The following JPH3 variants were observed in gnomAD, a reference collection of about 807,000 sequenced individuals.
JPH3 encodes junctophilin-3.
A neutral mutation model predicts 59.6 loss-of-function variants in JPH3; 11 were observed. The ratio of observed to expected loss-of-function variants is 0.18; its 90% CI spans 0.12 to 0.31. The LOEUF is 0.31. JPH3 is among the 10% of genes least tolerant of loss of function. JPH3 has a pLI of 1.00. For synonymous variants in JPH3, 673 were observed against 483.6 expected (o/e 1.39, Z -5.14); for missense variants, 1,202 against 1,105.7 (o/e 1.09, Z -1.24).
chr16:87,631,388 C>T (rs185120959), intron 1 of JPH3, among the ~76,000 whole-genome samples: 31 of 152,282 alleles, frequency 2.0e-4, no homozygotes, highest in African/African-American at 7.5e-4. Flanking sequence ...ATCATTTCTG[C>T]TCATAATTTG....
intron 3 of JPH3, among the ~76,000 whole-genome samples, chr16:87,688,242 C>T (rs2033465402): frequency 6.6e-6 from 1 of 152,162 alleles, no homozygotes; most frequent in African/African-American, 2.4e-5. Flanking sequence ...GGGCTGGCCA[C>T]CCACCCAGAG....
At position 87,691,086 on chromosome 16, in the gene JPH3, A is replaced by ACCC. The variant is rs11418087; in HGVS notation, c.2166+568_2166+570dup. On this transcript the variant is annotated intron_variant, in intron 4 of 4. Transcript: ENST00000284262. ...CAACTCACCGTCAGCCTCACCCAGC[A>ACCC]CCCCCCCCCCAAATTCGTTCCTCCA... is the stretch of plus-strand genomic sequence containing the variant. Among the ~76,000 whole-genome samples, 512 of 138,526 alleles carry ACCC rather than the reference A, an allele frequency of 3.7e-3. 3 individuals carry two copies. The highest frequency in any genetic ancestry group is 7.4e-3 in the Middle Eastern group (2 of 270). The allele number at this position is 138,526 out of a possible 152,430, so 90.9% of individuals were successfully genotyped here.
At chr16:87,678,673 A>G (rs59035081) in intron 2 of JPH3, among the ~76,000 whole-genome samples, 2,947 of 152,300 alleles carry the variant, frequency 0.019, 87 homozygotes, top group African/African-American at 0.066. Flanking sequence ...TCTTGGAATA[A>G]GGGTCTCTGC....
intron 1 of JPH3, among the ~76,000 whole-genome samples, chr16:87,627,506 C>T (rs1157922924): frequency 3.3e-5 from 5 of 152,158 alleles, no homozygotes; most frequent in East Asian, 1.9e-4. Flanking sequence ...AGTGCAGACC[C>T]GTTCCTCCCA....
intron 4 of JPH3, among the ~76,000 whole-genome samples, chr16:87,692,907 A>C (rs2033639543): frequency 1.3e-5 from 2 of 152,008 alleles, no homozygotes; most frequent in Non-Finnish European, 2.9e-5. Flanking sequence ...TGACCACCCC[A>C]CTCTGTCCTG....
intron 2 of JPH3, among the ~76,000 whole-genome samples, chr16:87,679,315 G>T (rs993564238): frequency 1.3e-5 from 2 of 152,174 alleles, no homozygotes; most frequent in African/African-American, 4.8e-5. Flanking sequence ...TAAGAGAGGG[G>T]TCACCTGGAT....
intron 1 of JPH3, among the ~76,000 whole-genome samples, chr16:87,622,385 G>C (rs940961887): frequency 6.6e-6 from 1 of 152,238 alleles, no homozygotes; most frequent in Non-Finnish European, 1.5e-5. Context: ...AGTGAGAACG[G>C]GTGCTGCTGA....
intron 1 of JPH3, among the ~76,000 whole-genome samples, chr16:87,623,869 C>G (rs1171636824): frequency 6.6e-6 from 1 of 152,252 alleles, no homozygotes; most frequent in African/African-American, 2.4e-5. Flanking sequence ...CCCGAGGCCG[C>G]AGAGCAAGCT....
At chr16:87,685,311 G>A (rs1359806400) in intron 3 of JPH3, among the ~76,000 whole-genome samples, 1 of 152,246 alleles carries the variant, frequency 6.6e-6, no homozygotes, top group East Asian at 1.9e-4. Flanking sequence ...CACCGCCTTG[G>A]GCAGCTTCTA....
intron 4 of JPH3, chr16:87,695,715 C>T (rs1353435448): frequency 1.4e-5 from 6 of 424,460 alleles, no homozygotes; most frequent in African/African-American, 2.9e-5. Flanking sequence ...CCCAGAGGGG[C>T]CACGCTCCCT....
chr16:87,614,359 G>T, intron 1 of JPH3, among the ~76,000 whole-genome samples: 1 of 151,882 alleles, frequency 6.6e-6, no homozygotes. Flanking sequence ...CCCCTCCAAG[G>T]ATAAAGGCAG....
chr16:87,642,606 C>T (rs932609479), intron 1 of JPH3, among the ~76,000 whole-genome samples: 5 of 152,242 alleles, frequency 3.3e-5, no homozygotes, highest in East Asian at 1.9e-4. Context: ...TGGACGGACT[C>T]TGTTCTCCCC....
At chr16:87,670,388 C>T (rs562672691) in intron 2 of JPH3, among the ~76,000 whole-genome samples, 3 of 152,336 alleles carry the variant, frequency 2.0e-5, no homozygotes, top group Admixed American at 6.5e-5. Flanking sequence ...GCCTGACTGA[C>T]GCCCCTGCTG....
chr16:87,615,190 G>A (rs1257045422), intron 1 of JPH3, among the ~76,000 whole-genome samples: 1 of 152,248 alleles, frequency 6.6e-6, no homozygotes, highest in Non-Finnish European at 1.5e-5. Flanking sequence ...ATAAGAACCT[G>A]TCCATCCTCC....
intron 1 of JPH3, chr16:87,604,203 A>G (rs758712524): frequency 7.0e-7 from 1 of 1,422,482 alleles, no homozygotes; most frequent in South Asian, 1.2e-5. Flanking sequence ...CGTTTTCACC[A>G]TTAGTTGAGG....
At chr16:87,620,647 C>A (rs894824562) in intron 1 of JPH3, among the ~76,000 whole-genome samples, 2 of 152,168 alleles carry the variant, frequency 1.3e-5, no homozygotes, top group African/African-American at 4.8e-5. Flanking sequence ...CCTGCGTTTA[C>A]ACCACAGCTC....
At chr16:87,659,392 A>AAAAAAAAAC (rs2032625947) in intron 2 of JPH3, among the ~76,000 whole-genome samples, 1 of 145,940 alleles carries the variant, frequency 6.9e-6, no homozygotes, top group Non-Finnish European at 1.5e-5. Context: ...AAAAAGAAAA[A>AAAAAAAAAC]AAAAAAGAAA....
intron 1 of JPH3, among the ~76,000 whole-genome samples, chr16:87,621,396 G>C (rs921439062): frequency 1.3e-5 from 2 of 152,204 alleles, no homozygotes; most frequent in African/African-American, 4.8e-5. Context: ...GCTGCGCAAG[G>C]GGCTTCAGGG....
In JPH3 at chr16:87,637,914, T is replaced by TA. The variant is rs56267050; in HGVS notation, c.383-6334dup. ...AGCAGTGCTGTTTTGTGTTTTTCTT[T>TA]AAAAAAAAAATTTTTTTTTGAGATG... is the stretch of plus-strand genomic sequence containing the variant. On this transcript the variant is annotated intron_variant, in intron 1 of 4. Coordinates refer to ENST00000284262, the MANE Select transcript of JPH3 (RefSeq NM_020655.4). Among the ~76,000 whole-genome samples, 478 of 151,310 alleles carry TA rather than the reference T, an allele frequency of 3.2e-3. 3 individuals are homozygous for TA. Among genetic ancestry groups the TA allele is most frequent in the Non-Finnish European group, 4.1e-3 (277 of 67,712 alleles).
Sources: allele counts gnomAD v4.1 joint callset (sites outside exome capture counted in the v4.1 genomes callset), GRCh38; gene constraint gnomAD v4.1.1; transcripts MANE v1.5; gene names NCBI Gene and HGNC (gene_info 2026-07-23, HGNC 2026-07-21).